The following POU6F1 variants were observed in gnomAD, a reference collection of about 807,000 sequenced individuals.
The protein encoded by POU6F1 is POU class 6 homeobox 1.
POU6F1 carries 9 observed loss-of-function variants against 28.9 expected under a neutral mutation model. The ratio of observed to expected loss-of-function variants is 0.31; its 90% CI spans 0.19 to 0.54. The LOEUF is 0.54. Among genes scored for constraint, POU6F1 ranks in the 20% least tolerant of loss-of-function variants. The pLI is 0.94. For synonymous variants in POU6F1, 173 were observed against 171.1 expected, an observed-to-expected ratio of 1.01 and a Z score of -0.09; for missense variants, 338 against 426.1, an observed-to-expected ratio of 0.79 and a Z score of 1.82.
intron 5 of POU6F1, 118 bp downstream of exon 5, chr12:51,198,432 C>T (rs555585145): frequency 2.5e-6 from 1 of 398,278 alleles, no homozygotes; most frequent in Admixed American, 4.4e-5. Context: ...CGGATCCAGA[C>T]TCCAGGGCGG....
chr12:51,191,777 G>A lies in POU6F1; in HGVS notation c.1322-13C>T, dbSNP rs762860769. 1.2e-6 allele frequency: 2 copies of A among 1,613,880 alleles called. No homozygotes were observed. The highest frequency in any genetic ancestry group is 1.7e-6 in the Non-Finnish European group (2 of 1,179,862). ...GGAGTATGTGGCTCTAGGCCAGAGG[G>A]AGGGAGCAGGGATGAGTGTGTAACA... On this transcript the variant is annotated splice_polypyrimidine_tract_variant and intron_variant, in intron 9 of 10. Coordinates refer to ENST00000333640, the MANE Select transcript of POU6F1 (RefSeq NM_001330422.2).
At chr12:51,211,579 C>A (rs1314532577) in intron 1 of POU6F1, among the ~76,000 whole-genome samples, 2 of 151,798 alleles carry the variant, frequency 1.3e-5, no homozygotes, top group Non-Finnish European at 2.9e-5. Context: ...TCTGTCTCTA[C>A]AAAAAATTGA....
chr12:51,205,697 T>C (rs1291531357), intron 2 of POU6F1, among the ~76,000 whole-genome samples: 1 of 152,138 alleles, frequency 6.6e-6, no homozygotes, highest in Non-Finnish European at 1.5e-5. Flanking sequence ...ATGTGACCCA[T>C]CAGCAGAATA....
chr12:51,205,034 C>CTT lies in POU6F1; in HGVS notation c.49-668_49-667dup, dbSNP rs767521766. On this transcript the variant is annotated intron_variant, in intron 2 of 10. Coordinates refer to ENST00000333640, the MANE Select transcript of POU6F1 (RefSeq NM_001330422.2). The stretch of plus-strand genomic sequence containing the variant: ...GCCTGGCACCGCTCCTGGACTGCAG[C>CTT]TTTTTTTTTTTTTTTTTTTTTTGAG... 2.5e-3 allele frequency among the ~76,000 whole-genome samples: 283 copies of CTT among 113,622 alleles called. 1 individual carries two copies. Among genetic ancestry groups the CTT allele is most frequent in the Non-Finnish European group, 3.1e-3 (169 of 55,004 alleles). The allele number at this position is 113,622 out of a possible 152,430, so 74.5% of individuals were successfully genotyped here. A position where few individuals can be genotyped will look rare whatever the true frequency, so the allele number is the denominator to read the frequency against.
intron 6 of POU6F1, among the ~76,000 whole-genome samples, chr12:51,197,398 C>T (rs1048847416): frequency 7.9e-5 from 12 of 152,164 alleles, no homozygotes; most frequent in African/African-American, 7.2e-5. Context: ...TCATATCTAA[C>T]GCCTCCCACT....
intron 8 of POU6F1, among the ~76,000 whole-genome samples, chr12:51,195,650 T>C (rs1942764041): frequency 6.6e-6 from 1 of 152,166 alleles, no homozygotes; most frequent in Non-Finnish European, 1.5e-5. Flanking sequence ...AGGAAGTTTG[T>C]TCACCCTAAA....
chr12:51,210,514 C>T (rs970400963), intron 1 of POU6F1, among the ~76,000 whole-genome samples: 16 of 152,110 alleles, frequency 1.1e-4, no homozygotes, highest in South Asian at 2.1e-4. Context: ...CTTGTTGTGG[C>T]GTCTGGCTCC....
intron 8 of POU6F1, among the ~76,000 whole-genome samples, chr12:51,194,228 T>C (rs991692812): frequency 6.6e-6 from 1 of 152,064 alleles, no homozygotes; most frequent in African/African-American, 2.4e-5. Context: ...GGTTTCACCA[T>C]GTTGGGCAGG....
At chr12:51,205,635 T>A (rs1943544473) in intron 2 of POU6F1, among the ~76,000 whole-genome samples, 1 of 152,078 alleles carries the variant, frequency 6.6e-6, no homozygotes, top group African/African-American at 2.4e-5. Context: ...CACAACACAC[T>A]CTTTGAGCCT....
At chr12:51,202,208 C>A (rs910624477) in intron 3 of POU6F1, 1 of 152,128 alleles carries the variant, frequency 6.6e-6, no homozygotes, top group African/African-American at 2.4e-5. Context: ...GCTTAACAGG[C>A]AACTCATACC....
Position 51,206,854 on chromosome 12 carries a change from G to A in POU6F1, c.-18C>T, listed in dbSNP as rs1487628414. On this transcript the variant is annotated 5_prime_UTR_variant, in exon 2 of 11. Transcript: ENST00000333640. ...GGATCCATGGTCACTTGTCAGGGTC[G>A]GGTGGGGGCCGGCCCACACCTAGCA... is the stretch of plus-strand genomic sequence containing the variant. The A allele has an allele frequency of 6.8e-5, 27 of 398,592 alleles. No homozygotes were observed. Among genetic ancestry groups the A allele is most frequent in the Non-Finnish European group, 1.2e-4 (26 of 226,024 alleles). 24.7% of individuals were successfully genotyped at this position (398,592 alleles called of 1,614,324 possible).
Position 51,190,450 on chromosome 12 carries a change from G to A in POU6F1, c.1633C>T (p.Arg545Cys), listed in dbSNP as rs1942322510. 4 of 1,614,038 alleles carry A rather than the reference G, an allele frequency of 2.5e-6. No individual in the cohort carries two copies. The highest frequency in any genetic ancestry group is 1.3e-5 in the African/African-American group (1 of 74,902). Residue 545 changes from arginine to cysteine, a missense_variant, in exon 11 of 11, where the codon CGC becomes TGC. Physicochemically the swap from Arg to Cys is radical, Grantham distance 180. Around this residue, in one of 3 missense-constraint regions of POU6F1, gnomAD observed 126 missense variants for 176.5 expected, o/e 0.71. Transcript: ENST00000333640. The surrounding 1 kb of genome is among the most constrained non-coding windows in gnomAD (Gnocchi z 4.5). ...EFVGGEPSKK[R>C]KRRTSFTPQA... Reference sequence around the variant, plus strand: ...GGGGTGAAGGAGGTGCGGCGTTTGCGTTTCTTGGAGGGCTCGCCTCCCACA... The same window carrying A: ...GGGGTGAAGGAGGTGCGGCGTTTGCATTTCTTGGAGGGCTCGCCTCCCACA...
intron 1 of POU6F1, among the ~76,000 whole-genome samples, chr12:51,212,526 A>C (rs1438978035): frequency 1.3e-5 from 2 of 149,522 alleles, no homozygotes; most frequent in African/African-American, 2.5e-5. Context: ...CTTGCCTGTA[A>C]TCCCGGCACT....
At chr12:51,200,845 G>A (rs1943161294) in intron 3 of POU6F1, among the ~76,000 whole-genome samples, 1 of 151,982 alleles carries the variant, frequency 6.6e-6, no homozygotes, top group Non-Finnish European at 1.5e-5. Flanking sequence ...ATACCACCAC[G>A]CCTGGCTAAT....
intron 1 of POU6F1, among the ~76,000 whole-genome samples, chr12:51,214,605 G>T (rs1433855171): frequency 6.6e-6 from 1 of 152,162 alleles, no homozygotes; most frequent in African/African-American, 2.4e-5. Context: ...GCACACACAG[G>T]CCAGAGAAAG....
At chr12:51,196,731 C>T in intron 7 of POU6F1, 68 bp downstream of exon 7, 2 of 1,575,594 alleles carry the variant, frequency 1.3e-6, no homozygotes, top group Admixed American at 1.7e-5. Flanking sequence ...CAGCCCAAGA[C>T]CTGGCCGCCA....
chr12:51,188,176 C>T lies in POU6F1; in HGVS notation c.*2071G>A, dbSNP rs1437841062. On this transcript the variant is annotated 3_prime_UTR_variant, in exon 11 of 11. Coordinates refer to ENST00000333640, the MANE Select transcript of POU6F1 (RefSeq NM_001330422.2). ...CTCCAGACCTCAAATGATCCGCCCACCTCGGCCTTCCAAAGTGTTGGAATT... is the reference window on the plus strand; with the variant it reads ...CTCCAGACCTCAAATGATCCGCCCATCTCGGCCTTCCAAAGTGTTGGAATT... The T allele has an allele frequency of 4.6e-5, 7 of 152,236 alleles. No individual in the cohort carries two copies. Among genetic ancestry groups the T allele is most frequent in the Non-Finnish European group, 7.3e-5 (5 of 68,050 alleles). The allele number at this position is 152,236 out of a possible 1,614,324, so 9.4% of individuals were successfully genotyped here.
intron 1 of POU6F1, among the ~76,000 whole-genome samples, chr12:51,216,931 G>A (rs566594859): frequency 6.6e-6 from 1 of 152,156 alleles, no homozygotes; most frequent in South Asian, 2.1e-4. Flanking sequence ...GGGTATGCTG[G>A]GAGCTCCCTT....
At chr12:51,205,555 G>A (rs6580806) in intron 2 of POU6F1, among the ~76,000 whole-genome samples, 26,931 of 152,220 alleles carry the variant, frequency 0.18, 2,477 homozygotes, top group Middle Eastern at 0.22. Flanking sequence ...AAGAATCAGA[G>A]ACAAAGTCTG....
Sources: gnomAD v4.1 joint callset for allele counts (sites outside exome capture counted in the v4.1 genomes callset) on GRCh38, gnomAD v4.1.1 for gene constraint, gnomAD v4.1.1 regional missense constraint, Gnocchi (gnomAD v3.1) non-coding constraint, MANE v1.5 for transcripts, NCBI Gene and HGNC (gene_info 2026-07-23, HGNC 2026-07-21) for gene names.